Variants in TENM2 observed in about 807,000 individuals in gnomAD.
TENM2 encodes teneurin-2.
TENM2 carries 52 observed loss-of-function variants against 245.2 expected under a neutral mutation model. The observed-to-expected ratio is 0.21, with a 90% confidence interval of 0.17 to 0.27. The LOEUF (loss-of-function observed/expected upper bound fraction) is 0.27. TENM2 is among the 10% of genes least tolerant of loss of function. The pLI is 1.00. For missense variants in TENM2, 3,046 were observed against 3,666.8 expected (o/e 0.83, Z 4.37); for synonymous variants, 1,363 against 1,438.9 (o/e 0.95, Z 1.19).
intron 2 of TENM2, among the ~76,000 whole-genome samples, chr5:167,691,626 C>T (rs1757434229): frequency 6.6e-6 from 1 of 152,226 alleles, no homozygotes; most frequent in Non-Finnish European, 1.5e-5. Context: ...AATTGTCCTT[C>T]ACTACATATT....
chr5:167,336,824 A>G (rs572720027), intron 1 of TENM2, among the ~76,000 whole-genome samples: 11 of 152,068 alleles, frequency 7.2e-5, no homozygotes, highest in African/African-American at 2.2e-4. Flanking sequence ...AATATTTAAA[A>G]AAAAAAAAAT....
At chr5:167,039,832 C>T in the TENM2 span, among the ~76,000 whole-genome samples, 1 of 151,472 alleles carries the variant, frequency 6.6e-6, no homozygotes, top group Non-Finnish European at 1.5e-5. Context: ...CTTTTATTAT[C>T]GTAAATGAAG....
At chr5:167,092,270 C>T in the TENM2 span, among the ~76,000 whole-genome samples, 2 of 152,062 alleles carry the variant, frequency 1.3e-5, no homozygotes, top group African/African-American at 4.8e-5. Flanking sequence ...CACAGCCCAC[C>T]CGTTGCTTTA....
the TENM2 span, among the ~76,000 whole-genome samples, chr5:167,259,402 C>G: frequency 6.6e-6 from 1 of 152,110 alleles, no homozygotes; most frequent in African/African-American, 2.4e-5. Context: ...TGTGTAATTT[C>G]CTAGTTTGCA....
At chr5:167,975,997 A>G (rs981486201) in intron 4 of TENM2, among the ~76,000 whole-genome samples, 4 of 152,182 alleles carry the variant, frequency 2.6e-5, no homozygotes, top group Non-Finnish European at 4.4e-5. Context: ...TGTTTTGATG[A>G]CTTAAGAATT....
intron 27 of TENM2, among the ~76,000 whole-genome samples, chr5:168,249,805 G>T (rs1766934030): frequency 6.6e-6 from 1 of 151,990 alleles, no homozygotes; most frequent in African/African-American, 2.4e-5. Context: ...GCTAGAGTGA[G>T]CTATGATCAT....
the TENM2 span, among the ~76,000 whole-genome samples, chr5:167,123,218 G>A: frequency 6.6e-6 from 1 of 152,104 alleles, no homozygotes; most frequent in Non-Finnish European, 1.5e-5. Context: ...GCTGAGGCAT[G>A]AGAAGCGCTT....
chr5:167,844,408 A>G (rs1020981801), intron 2 of TENM2, among the ~76,000 whole-genome samples: 2 of 152,264 alleles, frequency 1.3e-5, no homozygotes, highest in Non-Finnish European at 2.9e-5. Flanking sequence ...CCATCTTGAC[A>G]GCTCTTGAGA....
chr5:167,273,105 C>T, the TENM2 span, among the ~76,000 whole-genome samples: 43 of 152,216 alleles, frequency 2.8e-4, no homozygotes, highest in Admixed American at 9.8e-4. Flanking sequence ...AGAAGTTAAT[C>T]GTGAACAGTG....
the TENM2 span, among the ~76,000 whole-genome samples, chr5:167,078,098 G>A: frequency 1.3e-5 from 2 of 152,004 alleles, no homozygotes; most frequent in Admixed American, 6.6e-5. Context: ...TAAACTATAA[G>A]TAAGTCAAAG....
At chr5:167,425,030 C>G (rs980544216) in intron 2 of TENM2, among the ~76,000 whole-genome samples, 10 of 152,244 alleles carry the variant, frequency 6.6e-5, no homozygotes, top group African/African-American at 2.2e-4. Flanking sequence ...AGGTTTTGCA[C>G]AGTGCAATTT....
rs146368014 is a variant in TENM2 at position 167,440,399 on chromosome 5, G to A, written c.502+64926G>A. Among the ~76,000 whole-genome samples, 627 of 152,146 alleles carry A rather than the reference G, an allele frequency of 4.1e-3. 8 individuals carry two copies. The highest frequency in any genetic ancestry group is 0.015 in the African/African-American group (605 of 41,510). On this transcript the variant is annotated intron_variant, in intron 2 of 28. Transcript: ENST00000518659. ...TTCAGCCCATTGGAAATGGCTTCCT[G>A]GATCCCCGCATTGAAAAGGATTATG...
chr5:167,192,068 T>C, the TENM2 span, among the ~76,000 whole-genome samples: 3 of 152,070 alleles, frequency 2.0e-5, no homozygotes, highest in Non-Finnish European at 4.4e-5. Flanking sequence ...AAATACTTTT[T>C]GTATAAATAT....
At chr5:167,154,904 A>G in the TENM2 span, among the ~76,000 whole-genome samples, 4 of 152,232 alleles carry the variant, frequency 2.6e-5, 1 homozygote, top group South Asian at 8.3e-4. Flanking sequence ...AGCTACTTTT[A>G]TTAATTATTC....
the TENM2 span, among the ~76,000 whole-genome samples, chr5:167,053,211 A>AT: frequency 6.6e-6 from 1 of 152,070 alleles, no homozygotes; most frequent in African/African-American, 2.4e-5. Flanking sequence ...CTTCTACTAT[A>AT]TTTTTTATTT....
chr5:167,860,047 G>A (rs1771589942), intron 2 of TENM2, among the ~76,000 whole-genome samples: 1 of 100,962 alleles, frequency 9.9e-6, no homozygotes, highest in African/African-American at 3.6e-5. Flanking sequence ...CGCCCCGTCC[G>A]GGAGGGAGGT....
At chr5:167,544,416 C>T (rs933810339) in intron 2 of TENM2, among the ~76,000 whole-genome samples, 56 of 152,102 alleles carry the variant, frequency 3.7e-4, no homozygotes, top group Admixed American at 3.3e-3. Flanking sequence ...ACCAGGGGCA[C>T]ACTTAAAATA....
At chr5:167,626,245 A>T (rs1463810967) in intron 2 of TENM2, among the ~76,000 whole-genome samples, 1 of 151,892 alleles carries the variant, frequency 6.6e-6, no homozygotes, top group Non-Finnish European at 1.5e-5. Context: ...TGTCTTTACC[A>T]TTCTCAAAAT....
intron 2 of TENM2, among the ~76,000 whole-genome samples, chr5:167,766,438 G>A (rs762808566): frequency 6.6e-6 from 1 of 152,184 alleles, no homozygotes. Context: ...GCAATTAGAA[G>A]CCATCGAAGG....
Sources: gnomAD v4.1 joint callset for allele counts (sites outside exome capture counted in the v4.1 genomes callset) on GRCh38, gnomAD v4.1.1 for gene constraint, MANE v1.5 for transcripts, NCBI Gene and HGNC (gene_info 2026-07-23, HGNC 2026-07-21) for gene names.